The following MACROD1 variants were observed in gnomAD, a reference collection of about 807,000 sequenced individuals.
MACROD1 encodes mono-ADP ribosylhydrolase 1.
In MACROD1, 31 loss-of-function variants were observed where a neutral mutation model predicts 41.4. The observed-to-expected ratio is 0.75, with a 90% CI of 0.56 to 1.01. The LOEUF is 1.01. Among genes scored for constraint, MACROD1 ranks in the 50% least tolerant of loss-of-function variants. The pLI, the probability that MACROD1 is intolerant of heterozygous loss-of-function variation, is 0.00. For missense variants in MACROD1, 473 were observed against 460.0 expected (o/e 1.03, Z -0.26); for synonymous variants, 252 against 203.4 (o/e 1.24, Z -2.03).
intron 3 of MACROD1, among the ~76,000 whole-genome samples, chr11:64,111,528 T>C (rs1265073955): frequency 2.0e-5 from 3 of 152,192 alleles, no homozygotes; most frequent in African/African-American, 7.2e-5. Context: ...AGACGTGCAG[T>C]GGGAAATCTG....
intron 3 of MACROD1, among the ~76,000 whole-genome samples, chr11:64,108,606 G>T (rs1944805232): frequency 6.6e-6 from 1 of 152,244 alleles, no homozygotes; most frequent in African/African-American, 2.4e-5. Flanking sequence ...GGAGATGATT[G>T]TGCCTTGGTA....
intron 4 of MACROD1, among the ~76,000 whole-genome samples, chr11:64,008,694 T>A (rs1942954630): frequency 1.3e-5 from 2 of 151,944 alleles, no homozygotes; most frequent in South Asian, 4.1e-4. Flanking sequence ...GGTGCAGAGG[T>A]GCTCAGGGCC....
At chr11:64,104,974 A>C (rs982254013) in intron 3 of MACROD1, among the ~76,000 whole-genome samples, 1 of 152,116 alleles carries the variant, frequency 6.6e-6, no homozygotes, top group African/African-American at 2.4e-5. Context: ...CCAATTCATT[A>C]CCAAGATGGA....
rs1295310478 is a variant in MACROD1 at position 64,082,581 on chromosome 11, G to A, written c.518-67300C>T. Reference sequence around the variant, plus strand: ...GCGGAAGTAGGGTTCAGATTCAGGTGAAGCTTAGGGGTCCCTGGGCTGAAG... The same window carrying A: ...GCGGAAGTAGGGTTCAGATTCAGGTAAAGCTTAGGGGTCCCTGGGCTGAAG... On this transcript the variant is annotated intron_variant, in intron 3 of 10. Transcript: ENST00000255681. This position sits in a 1 kb window ranked among gnomAD's most constrained non-coding sequence, Gnocchi z 4.5. Among the ~76,000 whole-genome samples the A allele has an allele frequency of 6.6e-6, 1 of 152,122 alleles. No individual in the cohort carries two copies. Among genetic ancestry groups the A allele is most frequent in the Non-Finnish European group, 1.5e-5 (1 of 68,006 alleles).
chr11:64,024,894 G>A (rs1381814504), intron 3 of MACROD1, among the ~76,000 whole-genome samples: 3 of 152,158 alleles, frequency 2.0e-5, no homozygotes, highest in African/African-American at 7.2e-5. Context: ...CAGCTTGCTG[G>A]GTGACCCCAG....
At chr11:64,162,342 G>GA (rs71468653) in intron 1 of MACROD1, among the ~76,000 whole-genome samples, 2 of 146,266 alleles carry the variant, frequency 1.4e-5, no homozygotes, top group Admixed American at 6.8e-5. Context: ...TGTCTCAAAA[G>GA]AAAAAAAAAA....
intron 3 of MACROD1, among the ~76,000 whole-genome samples, chr11:64,035,028 AT>A (rs1322521517): frequency 6.6e-6 from 1 of 152,190 alleles, no homozygotes; most frequent in Non-Finnish European, 1.5e-5. Flanking sequence ...CCAGTCTCTA[AT>A]AGGTGCCAGG....
chr11:64,158,026 C>A (rs1175833532), intron 1 of MACROD1, among the ~76,000 whole-genome samples: 1 of 152,172 alleles, frequency 6.6e-6, no homozygotes. Flanking sequence ...GGCAAGGCTG[C>A]GTCCCCAAAA....
At chr11:64,158,897 G>T (rs1945709996) in intron 1 of MACROD1, among the ~76,000 whole-genome samples, 1 of 152,174 alleles carries the variant, frequency 6.6e-6, no homozygotes, top group South Asian at 2.1e-4. Context: ...TTCAATTAGA[G>T]AAAGTAGGAC....
At chr11:64,149,322 G>A (rs1261111775) in intron 3 of MACROD1, among the ~76,000 whole-genome samples, 1 of 152,164 alleles carries the variant, frequency 6.6e-6, no homozygotes, top group Non-Finnish European at 1.5e-5. Context: ...CCCTCATTTT[G>A]CAGAGGAGGA....
chr11:64,063,546 C>T (rs1225638852), intron 3 of MACROD1, among the ~76,000 whole-genome samples: 1 of 152,182 alleles, frequency 6.6e-6, no homozygotes, highest in Non-Finnish European at 1.5e-5. Flanking sequence ...TCCGTTACTG[C>T]CCAGCAGCCA....
chr11:64,114,955 G>C (rs961437291), intron 3 of MACROD1, among the ~76,000 whole-genome samples: 2 of 152,216 alleles, frequency 1.3e-5, no homozygotes, highest in East Asian at 1.9e-4. Context: ...AGAGAAGACA[G>C]AAAGTTTGGC....
chr11:64,099,804 G>A (rs2134552860), intron 3 of MACROD1, among the ~76,000 whole-genome samples: 1 of 151,878 alleles, frequency 6.6e-6, no homozygotes, highest in East Asian at 1.9e-4. Flanking sequence ...AGGAAGGATG[G>A]ACGGATGGAG....
intron 4 of MACROD1, among the ~76,000 whole-genome samples, chr11:64,014,625 G>T (rs191048908): frequency 1.5e-3 from 235 of 152,324 alleles, no homozygotes; most frequent in African/African-American, 5.3e-3. Flanking sequence ...GGTGTGGTCT[G>T]CCCTAGGTGG....
At chr11:64,154,198 G>GC (rs1273047275) in intron 1 of MACROD1, among the ~76,000 whole-genome samples, 43 of 152,194 alleles carry the variant, frequency 2.8e-4, no homozygotes, top group African/African-American at 9.6e-4. Context: ...CTGAGCCTCT[G>GC]ACCCCCACAG....
chr11:64,138,723 G>A (rs542705547), intron 3 of MACROD1, among the ~76,000 whole-genome samples: 24 of 152,190 alleles, frequency 1.6e-4, no homozygotes, highest in African/African-American at 2.9e-4. Context: ...GGGAATGGGC[G>A]TTCAAGGGCC....
rs1943480307 is a variant in MACROD1, at chr11:64,041,229, A to AAAAG, written c.518-25949_518-25948insCTTT. 1.4e-5 allele frequency among the ~76,000 whole-genome samples: 2 copies of AAAAG among 142,566 alleles called. 1 individual carries two copies. The highest frequency in any genetic ancestry group is 4.6e-4 in the South Asian group (2 of 4,336). 93.5% of individuals were successfully genotyped at this position (142,566 alleles called of 152,430 possible). A position where few individuals can be genotyped will look rare whatever the true frequency, so the allele number is the denominator to read the frequency against. ...AAAAAAAAAAAAAAAAAAAAAAAAA[A>AAAAG]GCATGAGCGAGAGAGGAAGAGAGAA... is the stretch of plus-strand genomic sequence containing the variant. On this transcript the variant is annotated intron_variant, in intron 3 of 10. Coordinates refer to ENST00000255681, the MANE Select transcript of MACROD1 (RefSeq NM_014067.4).
chr11:64,161,300 G>A (rs749132990), intron 1 of MACROD1, among the ~76,000 whole-genome samples: 17 of 152,130 alleles, frequency 1.1e-4, no homozygotes, highest in South Asian at 2.1e-4. Flanking sequence ...CGAACTGGCC[G>A]GATATTGAGT....
chr11:64,131,091 T>C (rs1232989644), intron 3 of MACROD1, among the ~76,000 whole-genome samples: 2 of 152,222 alleles, frequency 1.3e-5, no homozygotes, highest in African/African-American at 4.8e-5. Flanking sequence ...TTTATTCTTG[T>C]GATGCAGGCG....
Sources: gnomAD v4.1 joint callset for allele counts (sites outside exome capture counted in the v4.1 genomes callset) on GRCh38, gnomAD v4.1.1 for gene constraint, Gnocchi (gnomAD v3.1) non-coding constraint, MANE v1.5 for transcripts, NCBI Gene and HGNC (gene_info 2026-07-23, HGNC 2026-07-21) for gene names.